Variants in VNN2 observed in about 807,000 individuals in gnomAD.
VNN2 encodes vanin 2.
In VNN2, 43 loss-of-function variants were observed where a neutral mutation model predicts 43.0. That is an observed-to-expected ratio of 1.00 (90% CI 0.78 to 1.29). VNN2 has a LOEUF of 1.29. Among genes scored for constraint, VNN2 ranks in the 50% most tolerant of loss-of-function variants. The pLI, the probability that VNN2 is intolerant of heterozygous loss-of-function variation, is 0.00. For missense variants in VNN2, 652 were observed against 619.7 expected (o/e 1.05, Z -0.55); for synonymous variants, 230 against 224.3 (o/e 1.03, Z -0.23).
chr6:132,760,726 A>G (rs1385456705), upstream of VNN2: 1 of 152,128 alleles, frequency 6.6e-6, no homozygotes, highest in Non-Finnish European at 1.5e-5. Flanking sequence ...TAACAGTTTT[A>G]TAATTTTGGC....
chr6:132,747,545 A>C (rs537874656), intron 6 of VNN2, among the ~76,000 whole-genome samples: 1 of 152,300 alleles, frequency 6.6e-6, no homozygotes, highest in East Asian at 1.9e-4. Flanking sequence ...TGAACCCAAG[A>C]GGCAGAGTTT....
At chr6:132,758,000 T>TTTC (rs60545394), upstream of VNN2, 12,371 of 339,214 alleles carry the variant, frequency 0.036, 763 homozygotes, top group East Asian at 0.11. Context: ...TATCATCATT[T>TTTC]TTCTTCTTCT....
At chr6:132,750,997 T>C (rs967058819) in intron 5 of VNN2, 148 bp downstream of exon 5, 3 of 567,780 alleles carry the variant, frequency 5.3e-6, no homozygotes, top group Non-Finnish European at 5.5e-6. Context: ...TAAATGCACG[T>C]GTGTGTGTGT....
At chr6:132,761,143 C>A (rs1780728762), upstream of VNN2, among the ~76,000 whole-genome samples, 1 of 151,978 alleles carries the variant, frequency 6.6e-6, no homozygotes, top group South Asian at 2.1e-4. Flanking sequence ...GTTGACTTTT[C>A]ATAAAGATGA....
chr6:132,760,841 ATTTT>A, upstream of VNN2: 1 of 152,108 alleles, frequency 6.6e-6, no homozygotes, highest in Non-Finnish European at 1.5e-5. Context: ...AGAGTTTTGG[ATTTT>A]TTGTTTGGCT....
intron 6 of VNN2, among the ~76,000 whole-genome samples, chr6:132,746,974 C>T (rs1779755000): frequency 6.6e-6 from 1 of 152,160 alleles, no homozygotes; most frequent in African/African-American, 2.4e-5. Flanking sequence ...GACTACAATT[C>T]CAAAGACCCT....
upstream of VNN2, chr6:132,757,920 A>G (rs1253234155): frequency 6.3e-7 from 1 of 1,577,182 alleles, no homozygotes; most frequent in Non-Finnish European, 8.7e-7. Context: ...CAAAAATAAC[A>G]TTCATGTAGT....
At chr6:132,750,133 A>C (rs1779969178) in intron 5 of VNN2, among the ~76,000 whole-genome samples, 1 of 152,204 alleles carries the variant, frequency 6.6e-6, no homozygotes, top group African/African-American at 2.4e-5. Flanking sequence ...AGATGATGGC[A>C]TCGAGCTCAA....
At position 132,751,169 on chromosome 6, in the gene VNN2, G is replaced by T. The variant is rs1780057786; in HGVS notation, c.1176C>A (p.Gly392=). ...YVLGAFTGLH[G]RRRREYWQVC... is the part of the protein sequence containing the mutation. ...CCTGCCAGTACTCTCTTCTCCTTCG[G>T]CCATGTAATCCTGTAAAAGCTCCTA... The change falls in exon 5 of 7, where the codon GGC becomes GGA. Residue 392 remains glycine, a synonymous_variant. Transcript: ENST00000326499. 1 of 1,605,462 alleles carries T rather than the reference G, an allele frequency of 6.2e-7. No homozygotes were observed. The highest frequency in any genetic ancestry group is 8.5e-7 in the Non-Finnish European group (1 of 1,175,974).
chr6:132,749,973 T>C (rs1779961887), intron 5 of VNN2, 108 bp from the exon 6 acceptor site: 2 of 1,092,870 alleles, frequency 1.8e-6, no homozygotes, highest in Non-Finnish European at 2.5e-6. Context: ...TATCTTTCTC[T>C]GAAAAGGGAT....
rs143391510 is a variant in VNN2 at position 132,751,385 on chromosome 6, C to T, written c.960G>A (p.Trp320Ter). 852 of 1,614,120 alleles carry T rather than the reference C, an allele frequency of 5.3e-4. No individual in the cohort carries two copies. Among genetic ancestry groups the T allele is most frequent in the Non-Finnish European group, 6.8e-4 (806 of 1,180,014 alleles). ...SSLAYPTAVN[W>*]NAYATTIKPF... is the part of the protein sequence containing the mutation. ...GTTTGATGGTGGTGGCGTAGGCATT[C>T]CAATTAACAGCTGTTGGGTAGGCAA... is the stretch of plus-strand genomic sequence containing the variant. The change falls in exon 5 of 7, where the codon TGG becomes TGA. Residue 320 changes from tryptophan to a stop codon, truncating the protein, a stop_gained. Transcript: ENST00000326499. LOFTEE classifies it high-confidence loss of function.
chr6:132,760,744 G>A (rs551879639), upstream of VNN2: 1 of 152,220 alleles, frequency 6.6e-6, no homozygotes, highest in East Asian at 1.9e-4. Flanking sequence ...GGCAGTAGAA[G>A]TGGGGACAAT....
chr6:132,744,595 T>C, intron 6 of VNN2, 104 bp from the exon 7 acceptor site: 1 of 1,182,158 alleles, frequency 8.5e-7, no homozygotes, highest in African/African-American at 1.6e-5. Flanking sequence ...AGTCAAATCA[T>C]TTCTGATTTA....
At chr6:132,759,363 C>G (rs1223317110), upstream of VNN2, among the ~76,000 whole-genome samples, 1 of 145,648 alleles carries the variant, frequency 6.9e-6, no homozygotes, top group Non-Finnish European at 1.5e-5. Context: ...CGCTGGAACC[C>G]AGGAGGCAGA....
chr6:132,749,123 C>A (rs1056499905), intron 6 of VNN2, among the ~76,000 whole-genome samples: 1 of 152,082 alleles, frequency 6.6e-6, no homozygotes, highest in African/African-American at 2.4e-5. Flanking sequence ...AAAAAATGAT[C>A]ACAATATTTT....
upstream of VNN2, among the ~76,000 whole-genome samples, chr6:132,761,798 T>C (rs1189742182): frequency 1.3e-5 from 2 of 152,236 alleles, no homozygotes; most frequent in African/African-American, 2.4e-5. Flanking sequence ...CTCATTTTTT[T>C]CCCACTTTCT....
rs1252252234 is a variant in VNN2 at position 132,751,503 on chromosome 6, G to A, written c.842C>T (p.Ala281Val). Reference protein sequence around the residue: ...SLNMTGSGIYAPNGPKVYHYD... With the variant: ...SLNMTGSGIYVPNGPKVYHYD... ...ATGATACACTTTGGGACCATTTGGT[G>A]CATAAATACCACTTCCTGTGAATGA... The change falls in exon 5 of 7, where the codon GCA becomes GTA. Residue 281 changes from alanine to valine, a missense_variant. By Grantham distance (64) the Ala-to-Val change is moderately conservative. Transcript: ENST00000326499. 1 of 1,608,042 alleles carries A rather than the reference G, an allele frequency of 6.2e-7. No individual in the cohort carries two copies.
chr6:132,757,326 A>G (rs890874490), intron 2 of VNN2, 90 bp downstream of exon 2: 1 of 1,439,070 alleles, frequency 6.9e-7, no homozygotes, highest in African/African-American at 1.4e-5. Flanking sequence ...TACCACATAT[A>G]TGGTAATTCA....
rs1582809182 is a variant in VNN2, at chr6:132,744,117, A to G, written c.*183T>C. On this transcript the variant is annotated 3_prime_UTR_variant, in exon 7 of 7. Transcript: ENST00000326499. The stretch of plus-strand genomic sequence containing the variant: ...GTTCCACACTGCAACATTTCAGAGT[A>G]GCCAAAAAAATGGACAACATTATCA... The G allele has an allele frequency of 1.6e-5, 8 of 502,384 alleles. No individual in the cohort carries two copies. The East Asian group carries it at 2.7e-4, about 17-fold the overall frequency. 31.1% of individuals were successfully genotyped at this position (502,384 alleles called of 1,614,324 possible). A position where few individuals can be genotyped will look rare whatever the true frequency, so the allele number is the denominator to read the frequency against.
Sources: gnomAD v4.1 joint callset for allele counts (sites outside exome capture counted in the v4.1 genomes callset) on GRCh38, gnomAD v4.1.1 for gene constraint, MANE v1.5 for transcripts, NCBI Gene and HGNC (gene_info 2026-07-23, HGNC 2026-07-21) for gene names.